PBX2: variants seen among roughly 807,000 people sequenced by gnomAD.
PBX2 encodes the protein pre-B-cell leukemia transcription factor 2.
Under a neutral mutation model 46.5 loss-of-function variants are expected in PBX2, and 10 were observed. The ratio of observed to expected loss-of-function variants is 0.21; its 90% CI spans 0.13 to 0.36. The LOEUF (loss-of-function observed/expected upper bound fraction) is 0.36, where lower values mean the gene tolerates loss of function less well. PBX2 is among the 10% of genes least tolerant of loss of function. The probability of loss-of-function intolerance (pLI) is 1.00; values close to 1 mark genes in which losing one functional copy is unlikely to be tolerated. For missense variants in PBX2, 392 were observed against 580.5 expected, an observed-to-expected ratio of 0.68 and a Z score of 3.34; for synonymous variants, 160 against 222.5, an observed-to-expected ratio of 0.72 and a Z score of 2.50.
rs1786942965 is a variant in PBX2 at position 32,184,957 on chromosome 6, G to A, written c.*1425C>T. On this transcript the variant is annotated 3_prime_UTR_variant, in exon 9 of 9. Transcript: ENST00000375050. ...CTGAGAATGTCTGAGGGGATCAGAT[G>A]GTAGCTAGTTCAGGGCTGAGGATGG... The A allele has an allele frequency of 6.6e-6, 1 of 151,926 alleles. No homozygotes were observed. The highest frequency in any genetic ancestry group is 1.9e-4 in the East Asian group (1 of 5,172). The allele number at this position is 151,926 out of a possible 1,614,324, so 9.4% of individuals were successfully genotyped here. A position where few individuals can be genotyped will look rare whatever the true frequency, so the allele number is the denominator to read the frequency against.
At position 32,187,435 on chromosome 6, in the gene PBX2, TC is replaced by T; in HGVS notation, c.871-41del. 8 of 1,603,958 alleles carry T rather than the reference TC, an allele frequency of 5.0e-6. No homozygotes were observed. Among genetic ancestry groups the T allele is most frequent in the Non-Finnish European group, 6.8e-6 (8 of 1,173,650 alleles). Reference sequence around the variant, plus strand: ...GGAGGGTCAGGTAGAAACATTTGCCTCTGAAGTCCTTCACTGAATAAGATGT... The same window carrying T: ...GGAGGGTCAGGTAGAAACATTTGCCTTGAAGTCCTTCACTGAATAAGATGT... On this transcript the variant is annotated intron_variant, in intron 5 of 8. Coordinates refer to ENST00000375050, the MANE Select transcript of PBX2 (RefSeq NM_002586.5). This position sits in a 1 kb window ranked among gnomAD's most constrained non-coding sequence, Gnocchi z 7.7.
chr6:32,187,555 C>T lies in PBX2; in HGVS notation c.870+92G>A. ...TCAAGTGATCCTCCCACTTCAGCCT[C>T]CCTAGTAGCTGGGATTACAGGAACA... On this transcript the variant is annotated intron_variant, in intron 5 of 8. Transcript: ENST00000375050. The surrounding 1 kb of genome is among the most constrained non-coding windows in gnomAD (Gnocchi z 7.7). The T allele has an allele frequency of 6.5e-7, 1 of 1,527,310 alleles. No individual in the cohort carries two copies. Among genetic ancestry groups the T allele is most frequent in the Non-Finnish European group, 8.9e-7 (1 of 1,128,686 alleles). The allele number at this position is 1,527,310 out of a possible 1,614,324, so 94.6% of individuals were successfully genotyped here.
In PBX2 at chr6:32,188,829, G is replaced by A. The variant is rs923495901; in HGVS notation, c.222-33C>T. 1 of 1,594,750 alleles carries A rather than the reference G, an allele frequency of 6.3e-7. No individual in the cohort carries two copies. Among genetic ancestry groups the A allele is most frequent in the Non-Finnish European group, 8.6e-7 (1 of 1,163,582 alleles). ...GGAGTGGGAGTGGGGAAAGAGAAAAGTTGAGGAGCTAGAGAAACAGAGCAG... is the reference window on the plus strand; with the variant it reads ...GGAGTGGGAGTGGGGAAAGAGAAAAATTGAGGAGCTAGAGAAACAGAGCAG... On this transcript the variant is annotated intron_variant, in intron 1 of 8. Transcript: ENST00000375050. The surrounding 1 kb of genome is among the most constrained non-coding windows in gnomAD (Gnocchi z 6.5).
At position 32,187,405 on chromosome 6, in the gene PBX2, A is replaced by T; in HGVS notation, c.871-10T>A. 6.2e-7 allele frequency: 1 copy of T among 1,612,314 alleles called. No individual in the cohort carries two copies. The highest frequency in any genetic ancestry group is 8.5e-7 in the Non-Finnish European group (1 of 1,179,360). Reference sequence around the variant, plus strand: ...CAAACCAGTTGGAGACCTGTGGGGCAGAAAGGAGGGTCAGGTAGAAACATT... The same window carrying T: ...CAAACCAGTTGGAGACCTGTGGGGCTGAAAGGAGGGTCAGGTAGAAACATT... On this transcript the variant is annotated splice_polypyrimidine_tract_variant and intron_variant, in intron 5 of 8. Transcript: ENST00000375050. This position sits in a 1 kb window ranked among gnomAD's most constrained non-coding sequence, Gnocchi z 7.7.
chr6:32,188,049 T>C lies in PBX2; in HGVS notation c.651A>G (p.Arg217=). The C allele has an allele frequency of 6.3e-7, 1 of 1,595,482 alleles. No individual in the cohort carries two copies. Among genetic ancestry groups the C allele is most frequent in the Non-Finnish European group, 8.5e-7 (1 of 1,169,796 alleles). Residue 217 remains arginine (R), a synonymous_variant, in exon 4 of 9, where the codon CGA becomes CGG. Transcript: ENST00000375050. This position sits in a 1 kb window ranked among gnomAD's most constrained non-coding sequence, Gnocchi z 6.5. ...EMERMVSIIH[R]KFSAIQMQLK... is the part of the protein sequence containing the mutation. ...GCTGCATCTGGATGGCGCTGAACTT[T>C]CGATGGATGATGCTCACCATGCGTT...
rs41268932 is a variant in PBX2 at position 32,186,934 on chromosome 6, A to G, written c.1025-33T>C. 0.039 allele frequency: 60,946 copies of G among 1,569,660 alleles called. 1,624 individuals are homozygous for G. The highest frequency in any genetic ancestry group is 0.049 in the Non-Finnish European group (56,147 of 1,141,302). ...GGGCAGAGAGGGAAGAGTGTAATAG[A>G]GCCCGTGATGGTAGAGGATGAACCA... On this transcript the variant is annotated intron_variant, in intron 6 of 8. Transcript: ENST00000375050. This position sits in a 1 kb window ranked among gnomAD's most constrained non-coding sequence, Gnocchi z 4.2.
At position 32,189,003 on chromosome 6, in the gene PBX2, G is replaced by A. The variant is rs1787275918; in HGVS notation, c.222-207C>T. The A allele has an allele frequency of 1.7e-6, 1 of 581,646 alleles. No homozygotes were observed. Among genetic ancestry groups the A allele is most frequent in the Admixed American group, 2.9e-5 (1 of 34,566 alleles). The allele number at this position is 581,646 out of a possible 1,614,324, so 36.0% of individuals were successfully genotyped here. A position where few individuals can be genotyped will look rare whatever the true frequency, so the allele number is the denominator to read the frequency against. ...AGCTCCTCAGCTTCAGGGAGACACA[G>A]GGAAGATGCAGGCAGCAGGTTAAAG... is the stretch of plus-strand genomic sequence containing the variant. On this transcript the variant is annotated intron_variant, in intron 1 of 8. Coordinates refer to ENST00000375050, the MANE Select transcript of PBX2 (RefSeq NM_002586.5). The surrounding 1 kb of genome is among the most constrained non-coding windows in gnomAD (Gnocchi z 4.7).
In PBX2 at chr6:32,189,616, G is replaced by A. The variant is rs541504419; in HGVS notation, c.221+79C>T. 9 of 1,090,782 alleles carry A rather than the reference G, an allele frequency of 8.3e-6. 1 individual carries two copies. The highest frequency in any genetic ancestry group is 1.2e-5 in the Non-Finnish European group (9 of 729,676). The allele number at this position is 1,090,782 out of a possible 1,614,324, so 67.6% of individuals were successfully genotyped here. On this transcript the variant is annotated intron_variant, in intron 1 of 8. Transcript: ENST00000375050. This position sits in a 1 kb window ranked among gnomAD's most constrained non-coding sequence, Gnocchi z 4.7. ...GATCCTGGAGAGGGCCCTGGAGTTG[G>A]GGGGGGCTCCCAGAAGATTCAGAAC...
chr6:32,189,807 G>T lies in PBX2; in HGVS notation c.109C>A (p.Pro37Thr), dbSNP rs771417397. The change falls in exon 1 of 9, where the codon CCC (proline) becomes ACC (threonine). Residue 37 changes from proline (P) to threonine (T), a missense_variant. By Grantham distance (38) the Pro-to-Thr change is conservative. This residue lies in a region of PBX2 where 196 missense variants were observed against 246.9 expected (regional missense o/e 0.79). Coordinates refer to ENST00000375050, the MANE Select transcript of PBX2 (RefSeq NM_002586.5). The surrounding 1 kb of genome is among the most constrained non-coding windows in gnomAD (Gnocchi z 4.7). Reference protein sequence around the residue: ...GPGEPPGGGDPGGGSGGVPGG... With the variant: ...GPGEPPGGGDTGGGSGGVPGG... ...GGGACCCCCCCGCTACCCCCACCGGGGTCTCCGCCACCGGGAGGCTCGCCA... is the reference window on the plus strand; with the variant it reads ...GGGACCCCCCCGCTACCCCCACCGGTGTCTCCGCCACCGGGAGGCTCGCCA... The T allele has an allele frequency of 3.1e-6, 5 of 1,594,752 alleles. No homozygotes were observed. In the Admixed American group the frequency reaches 8.5e-5, roughly 27 times the overall value.
In PBX2 at chr6:32,186,380, G is replaced by A; in HGVS notation, c.*2C>T. On this transcript the variant is annotated 3_prime_UTR_variant, in exon 9 of 9. Coordinates refer to ENST00000375050, the MANE Select transcript of PBX2 (RefSeq NM_002586.5). This position sits in a 1 kb window ranked among gnomAD's most constrained non-coding sequence, Gnocchi z 4.2. ...CCACCCCTGTGACCCTGAGGGGCAA[G>A]ATCAGTTGGAGGTATCAGAGTGAAC... The A allele has an allele frequency of 1.3e-6, 2 of 1,592,430 alleles. No homozygotes were observed. The highest frequency in any genetic ancestry group is 1.7e-5 in the Admixed American group (1 of 59,914).
chr6:32,187,921 G>C lies in PBX2; in HGVS notation c.734+45C>G. 6.6e-7 allele frequency: 1 copy of C among 1,520,352 alleles called. No homozygotes were observed. Among genetic ancestry groups the C allele is most frequent in the Non-Finnish European group, 8.9e-7 (1 of 1,129,008 alleles). 94.2% of individuals were successfully genotyped at this position (1,520,352 alleles called of 1,614,324 possible). On this transcript the variant is annotated intron_variant, in intron 4 of 8. Coordinates refer to ENST00000375050, the MANE Select transcript of PBX2 (RefSeq NM_002586.5). The surrounding 1 kb of genome is among the most constrained non-coding windows in gnomAD (Gnocchi z 7.7). ...AGCTCAGGGTCTTGGAGAGGAATGG[G>C]AAGGAGCCCAGTGCTGGGGGCCAGC...
At position 32,186,539 on chromosome 6, in the gene PBX2, T is replaced by C; in HGVS notation, c.1200+65A>G. 6.4e-7 allele frequency: 1 copy of C among 1,568,856 alleles called. No homozygotes were observed. The highest frequency in any genetic ancestry group is 8.8e-7 in the Non-Finnish European group (1 of 1,138,954). ...TGGGAACCCTGTGTGGGCACAACAT[T>C]ACTAGGGAAAATGCCCCTCTGTCCT... On this transcript the variant is annotated intron_variant, in intron 8 of 8. Coordinates refer to ENST00000375050, the MANE Select transcript of PBX2 (RefSeq NM_002586.5). This position sits in a 1 kb window ranked among gnomAD's most constrained non-coding sequence, Gnocchi z 4.2.
chr6:32,187,552 C>A lies in PBX2; in HGVS notation c.870+95G>T. 1 of 1,521,050 alleles carries A rather than the reference C, an allele frequency of 6.6e-7. No individual in the cohort carries two copies. The highest frequency in any genetic ancestry group is 8.9e-7 in the Non-Finnish European group (1 of 1,124,658). The allele number at this position is 1,521,050 out of a possible 1,614,324, so 94.2% of individuals were successfully genotyped here. On this transcript the variant is annotated intron_variant, in intron 5 of 8. Transcript: ENST00000375050. The surrounding 1 kb of genome is among the most constrained non-coding windows in gnomAD (Gnocchi z 7.7). ...AATTCAAGTGATCCTCCCACTTCAGCCTCCCTAGTAGCTGGGATTACAGGA... is the reference window on the plus strand; with the variant it reads ...AATTCAAGTGATCCTCCCACTTCAGACTCCCTAGTAGCTGGGATTACAGGA...
Position 32,188,101 on chromosome 6 carries a change from G to A in PBX2, c.599C>T (p.Thr200Ile), listed in dbSNP as rs1787224282. The A allele has an allele frequency of 5.0e-6, 8 of 1,593,092 alleles. No homozygotes were observed. Among genetic ancestry groups the A allele is most frequent in the Non-Finnish European group, 6.9e-6 (8 of 1,167,358 alleles). Residue 200 changes from threonine to isoleucine, a missense_variant, in exon 4 of 9, where the codon ACC becomes ATC. Physicochemically the swap from Thr to Ile is moderately conservative, Grantham distance 89 (BLOSUM62 -1). This residue lies in a region of PBX2 where 80 missense variants were observed against 175.7 expected (regional missense o/e 0.46). Transcript: ENST00000375050. This position sits in a 1 kb window ranked among gnomAD's most constrained non-coding sequence, Gnocchi z 6.5. ...CATCTCTTTGGGGGCCACGGGCCTG[G>A]TGCGGCTCTGCTCCCTCAGCAGGTT... ...VMNLLREQSR[T>I]RPVAPKEMER...
chr6:32,189,093 G>A lies in PBX2; in HGVS notation c.222-297C>T, dbSNP rs967736022. On this transcript the variant is annotated intron_variant, in intron 1 of 8. Coordinates refer to ENST00000375050, the MANE Select transcript of PBX2 (RefSeq NM_002586.5). The surrounding 1 kb of genome is among the most constrained non-coding windows in gnomAD (Gnocchi z 4.7). ...GGAATCTGGGAGTGGATGGAGAAAG[G>A]AAAGTGACTTGGTAGGTTTCAGAGG... 1.6e-5 allele frequency: 8 copies of A among 512,648 alleles called. No individual in the cohort carries two copies. Among genetic ancestry groups the A allele is most frequent in the Non-Finnish European group, 2.8e-5 (8 of 283,906 alleles). 31.8% of individuals were successfully genotyped at this position (512,648 alleles called of 1,614,324 possible). A position where few individuals can be genotyped will look rare whatever the true frequency, so the allele number is the denominator to read the frequency against.
Position 32,189,886 on chromosome 6 carries a change from A to T in PBX2, c.30T>A (p.Pro10=). The T allele has an allele frequency of 8.2e-7, 1 of 1,222,634 alleles. No individual in the cohort carries two copies. The highest frequency in any genetic ancestry group is 1.1e-6 in the Non-Finnish European group (1 of 931,408). 75.7% of individuals were successfully genotyped at this position (1,222,634 alleles called of 1,614,324 possible). A position where few individuals can be genotyped will look rare whatever the true frequency, so the allele number is the denominator to read the frequency against. MDERLLGPP[P]PGGGRGGLGL... ...CCAGGCCCCCCCGGCCCCCGCCTGG[A>T]GGGGGCGGCCCCAGTAGCCGTTCGT... Residue 10 remains proline, a synonymous_variant, in exon 1 of 9, where the codon CCT becomes CCA. Transcript: ENST00000375050. The surrounding 1 kb of genome is among the most constrained non-coding windows in gnomAD (Gnocchi z 4.7).
At position 32,189,656 on chromosome 6, in the gene PBX2, T is replaced by C; in HGVS notation, c.221+39A>G. The C allele has an allele frequency of 6.7e-7, 1 of 1,495,434 alleles. No individual in the cohort carries two copies. The highest frequency in any genetic ancestry group is 1.4e-5 in the African/African-American group (1 of 71,554). 92.6% of individuals were successfully genotyped at this position (1,495,434 alleles called of 1,614,324 possible). A position where few individuals can be genotyped will look rare whatever the true frequency, so the allele number is the denominator to read the frequency against. On this transcript the variant is annotated intron_variant, in intron 1 of 8. Transcript: ENST00000375050. The surrounding 1 kb of genome is among the most constrained non-coding windows in gnomAD (Gnocchi z 4.7). Reference sequence around the variant, plus strand: ...AGATTCAGAACATGTGAACGGGGTTTGCTGGGTCTGTGTGGGGTCCCGGAG... The same window carrying C: ...AGATTCAGAACATGTGAACGGGGTTCGCTGGGTCTGTGTGGGGTCCCGGAG...
In PBX2 at chr6:32,187,767, G is replaced by A. The variant is rs749747879; in HGVS notation, c.750C>T (p.Asn250=). 6.2e-7 allele frequency: 1 copy of A among 1,612,826 alleles called. No homozygotes were observed. Among genetic ancestry groups the A allele is most frequent in the South Asian group, 1.1e-5 (1 of 90,978 alleles). ...GGACCTCAGTGGCCTGTTTGCTGAA[G>A]TTACGGCGCTTTCGTCTACAGAGGA... ...RFLDARRKRR[N]FSKQATEVLN... is the part of the protein sequence containing the mutation. Residue 250 remains asparagine (N), a synonymous_variant, in exon 5 of 9, where the codon AAC becomes AAT. Coordinates refer to ENST00000375050, the MANE Select transcript of PBX2 (RefSeq NM_002586.5). The surrounding 1 kb of genome is among the most constrained non-coding windows in gnomAD (Gnocchi z 7.7).
chr6:32,186,765 G>A lies in PBX2; in HGVS notation c.1113+48C>T. 1 of 1,598,776 alleles carries A rather than the reference G, an allele frequency of 6.3e-7. No homozygotes were observed. Among genetic ancestry groups the A allele is most frequent in the Non-Finnish European group, 8.6e-7 (1 of 1,166,044 alleles). ...AGAGGTCTTGTATCCTAAAGTAGAGGAAATGGAGTTGGGGAAAGCCCTATT... is the reference window on the plus strand; with the variant it reads ...AGAGGTCTTGTATCCTAAAGTAGAGAAAATGGAGTTGGGGAAAGCCCTATT... On this transcript the variant is annotated intron_variant, in intron 7 of 8. Transcript: ENST00000375050. This position sits in a 1 kb window ranked among gnomAD's most constrained non-coding sequence, Gnocchi z 4.2.
Sources: gnomAD v4.1 joint callset for allele counts on GRCh38, gnomAD v4.1.1 for gene constraint, gnomAD v4.1.1 regional missense constraint, Gnocchi (gnomAD v3.1) non-coding constraint, MANE v1.5 for transcripts, NCBI Gene and HGNC (gene_info 2026-07-23, HGNC 2026-07-21) for gene names.